SAMSN1: variants seen among roughly 807,000 people sequenced by gnomAD.
SAMSN1 encodes the protein SAM domain, SH3 domain and nuclear localization signals 1.
A neutral mutation model predicts 42.0 loss-of-function variants in SAMSN1; 31 were observed. That is an observed-to-expected ratio of 0.74 (90% confidence interval 0.55 to 1.00). The LOEUF (loss-of-function observed/expected upper bound fraction) is 1.00. Ranked by LOEUF, SAMSN1 falls within the 50% of genes least tolerant of loss-of-function variation. The probability of loss-of-function intolerance (pLI) is 0.00; values close to 1 mark genes in which losing one functional copy is unlikely to be tolerated. For synonymous variants in SAMSN1, 178 were observed against 151.9 expected, an observed-to-expected ratio of 1.17 and a Z score of -1.26; for missense variants, 464 against 439.4, an observed-to-expected ratio of 1.06 and a Z score of -0.50.
exon 4 of SAMSN1, chr21:14,612,906 G>A (rs1032421317): frequency 5.3e-5 from 37 of 703,492 alleles, no homozygotes; most frequent in Non-Finnish European, 7.4e-5. Flanking sequence ...ATAAATCTCC[G>A]GAATAACCTG....
At position 14,638,948 on chromosome 21, in the gene SAMSN1, G is replaced by T. The variant is rs144530184; in HGVS notation, c.156+4054C>A. Among the ~76,000 whole-genome samples the T allele has an allele frequency of 9.1e-4, 139 of 152,298 alleles. 1 individual carries two copies. Among genetic ancestry groups the T allele is most frequent in the African/African-American group, 3.2e-3 (134 of 41,562 alleles). Reference sequence around the variant, plus strand: ...TAAGACTTTCTTTAGCTTGAGTAATGAACCTTCACTGATCCATTTATTTAG... The same window carrying T: ...TAAGACTTTCTTTAGCTTGAGTAATTAACCTTCACTGATCCATTTATTTAG... On this transcript the variant is annotated intron_variant, in intron 2 of 15. Coordinates refer to the SAMSN1 transcript ENST00000647101.
chr21:14,592,076 C>G (rs990970176), intron 7 of SAMSN1: 1 of 152,156 alleles, frequency 6.6e-6, no homozygotes, highest in Admixed American at 6.6e-5. Flanking sequence ...CAGGATTACA[C>G]AAACCAGCAT....
At chr21:14,491,760 G>C (rs1279248122) in intron 7 of SAMSN1, among the ~76,000 whole-genome samples, 7 of 152,004 alleles carry the variant, frequency 4.6e-5, no homozygotes, top group Non-Finnish European at 8.8e-5. Context: ...TCTCCTGTTG[G>C]TCTGTCCTAT....
intron 1 of SAMSN1, among the ~76,000 whole-genome samples, chr21:14,539,412 A>G (rs139323226): frequency 2.0e-5 from 3 of 152,252 alleles, no homozygotes; most frequent in East Asian, 3.9e-4. Context: ...TCAGCCCAAA[A>G]TCTCCTTAAG....
At chr21:14,548,072 C>A (rs1438347221), upstream of SAMSN1, among the ~76,000 whole-genome samples, 3 of 152,210 alleles carry the variant, frequency 2.0e-5, no homozygotes, top group Admixed American at 1.3e-4. Context: ...CTAGGCAGAT[C>A]TTTTGCTTCA....
At chr21:14,523,039 C>T (rs142383165) in intron 1 of SAMSN1, among the ~76,000 whole-genome samples, 19 of 152,218 alleles carry the variant, frequency 1.2e-4, no homozygotes, top group African/African-American at 4.6e-4. Flanking sequence ...AGACAGTGAC[C>T]CTGGTCAGGA....
intron 2 of SAMSN1, among the ~76,000 whole-genome samples, chr21:14,520,515 T>C (rs1422209033): frequency 6.6e-6 from 1 of 152,224 alleles, no homozygotes; most frequent in Admixed American, 6.5e-5. Context: ...ATGTTTTGCT[T>C]TCCCAAACAT....
At chr21:14,608,830 A>T (rs1361088385) in intron 5 of SAMSN1, among the ~76,000 whole-genome samples, 1 of 152,230 alleles carries the variant, frequency 6.6e-6, no homozygotes, top group African/African-American at 2.4e-5. Context: ...AAAATAATCA[A>T]TTTTTTTCTC....
At chr21:14,589,511 T>C (rs116095342) in intron 7 of SAMSN1, among the ~76,000 whole-genome samples, 1 of 152,064 alleles carries the variant, frequency 6.6e-6, no homozygotes, top group Non-Finnish European at 1.5e-5. Context: ...TATAGGCCTA[T>C]CCTCTTAAAT....
At chr21:14,570,440 G>C (rs1011654718) in intron 2 of SAMSN1, among the ~76,000 whole-genome samples, 1 of 152,188 alleles carries the variant, frequency 6.6e-6, no homozygotes, top group African/African-American at 2.4e-5. Flanking sequence ...TCCATTGGTA[G>C]TAATTCCACT....
intron 2 of SAMSN1, among the ~76,000 whole-genome samples, chr21:14,577,060 T>TTTC (rs1981491552): frequency 7.7e-6 from 1 of 130,378 alleles, no homozygotes; most frequent in South Asian, 2.7e-4. Flanking sequence ...TTTTTTTTTT[T>TTTC]TTTTTTTTTT....
intron 1 of SAMSN1, among the ~76,000 whole-genome samples, chr21:14,539,086 C>T (rs1157556811): frequency 6.6e-6 from 1 of 152,142 alleles, no homozygotes; most frequent in Non-Finnish European, 1.5e-5. Flanking sequence ...TAACCTGGAC[C>T]AAGTTCTACC....
At chr21:14,573,658 T>C (rs974515408) in intron 2 of SAMSN1, among the ~76,000 whole-genome samples, 3 of 152,150 alleles carry the variant, frequency 2.0e-5, no homozygotes, top group Non-Finnish European at 4.4e-5. Flanking sequence ...AACCTTTATA[T>C]ACAAAACTTT....
At chr21:14,546,115 T>A (rs1201415968) in intron 1 of SAMSN1, 90 bp downstream of exon 1, 1 of 1,148,410 alleles carries the variant, frequency 8.7e-7, no homozygotes, top group Non-Finnish European at 1.3e-6. Context: ...GACTGACAGA[T>A]GAGAACATTG....
chr21:14,614,014 C>T (rs1293589886), intron 3 of SAMSN1, among the ~76,000 whole-genome samples: 3 of 152,020 alleles, frequency 2.0e-5, no homozygotes, highest in South Asian at 2.1e-4. Flanking sequence ...AATGAAAAGA[C>T]ATAAATTAAG....
chr21:14,609,543 G>C, exon 5 of SAMSN1: 1 of 717,956 alleles, frequency 1.4e-6, no homozygotes, highest in Non-Finnish European at 2.6e-6. Flanking sequence ...GTTCCTGCCA[G>C]ATTTTGTCAT....
At chr21:14,598,246 G>A (rs911206029) in intron 6 of SAMSN1, 2 of 152,088 alleles carry the variant, frequency 1.3e-5, no homozygotes, top group East Asian at 1.9e-4. Context: ...ATACTCTGAA[G>A]GCTGAATGCA....
chr21:14,602,999 A>C lies in SAMSN1; in HGVS notation c.323-900T>G, dbSNP rs1402654525. Among the ~76,000 whole-genome samples the C allele has an allele frequency of 4.6e-5, 7 of 152,320 alleles. No individual in the cohort carries two copies. The East Asian group carries it at 1.3e-3, about 29-fold the overall frequency. On this transcript the variant is annotated intron_variant, in intron 5 of 15. Coordinates refer to the SAMSN1 transcript ENST00000647101. ...GCTCAGTCTCAAAGTTATTTGCACC[A>C]ATAACTTAATATTTAAAATGAGAGT...
At chr21:14,655,495 G>C (rs145611992) in intron 1 of SAMSN1, among the ~76,000 whole-genome samples, 1 of 151,758 alleles carries the variant, frequency 6.6e-6, no homozygotes, top group Non-Finnish European at 1.5e-5. Context: ...AGACCAATTA[G>C]TGTTTAATAT....
Sources: allele counts gnomAD v4.1 joint callset (sites outside exome capture counted in the v4.1 genomes callset), GRCh38; gene constraint gnomAD v4.1.1; transcripts MANE v1.5; gene names NCBI Gene and HGNC (gene_info 2026-07-23, HGNC 2026-07-21).